Variants in PTPRU observed in about 807,000 individuals in gnomAD.
The protein encoded by PTPRU is protein tyrosine phosphatase receptor type U, also known as receptor-type tyrosine-protein phosphatase U.
A neutral mutation model predicts 166.3 loss-of-function variants in PTPRU; 69 were observed. The ratio of observed to expected loss-of-function variants is 0.41; its 90% CI spans 0.34 to 0.51. The LOEUF (loss-of-function observed/expected upper bound fraction) is 0.51, where lower values mean the gene tolerates loss of function less well. Ranked by LOEUF, PTPRU falls within the 20% of genes least tolerant of loss-of-function variation. PTPRU has a pLI of 0.09. For missense variants in PTPRU, 1,657 were observed against 2,013.7 expected, an observed-to-expected ratio of 0.82 and a Z score of 3.39; for synonymous variants, 793 against 814.0, an observed-to-expected ratio of 0.97 and a Z score of 0.44.
intron 11 of PTPRU, among the ~76,000 whole-genome samples, chr1:29,281,059 G>T (rs1343360896): frequency 3.3e-5 from 5 of 152,084 alleles, no homozygotes; most frequent in Admixed American, 2.0e-4. Flanking sequence ...CTGCCCTTCT[G>T]GTCCACCCCT....
In PTPRU at chr1:29,311,717, G is replaced by A; in HGVS notation, c.3030G>A (p.Glu1010=). 1 of 1,614,206 alleles carries A rather than the reference G, an allele frequency of 6.2e-7. No homozygotes were observed. Among genetic ancestry groups the A allele is most frequent in the Non-Finnish European group, 8.5e-7 (1 of 1,180,032 alleles). Residue 1010 remains glutamate (E), a synonymous_variant, in exon 21 of 30, where the codon GAG becomes GAA. Coordinates refer to ENST00000373779, the MANE Select transcript of PTPRU (RefSeq NM_133178.4). The surrounding 1 kb of genome is among the most constrained non-coding windows in gnomAD (Gnocchi z 4.1). ...TCAAGATTATGCTGGTGAAGACAGA[G>A]ACCCTGGCTGAGTATGTCGTGCGCA... ...GDIKIMLVKT[E]TLAEYVVRTF...
chr1:29,305,318 G>T, intron 17 of PTPRU, 34 bp from the exon 18 acceptor site: 1 of 1,609,294 alleles, frequency 6.2e-7, no homozygotes, highest in Non-Finnish European at 8.5e-7. Flanking sequence ...GGGCTCCCCA[G>T]TTCAGCCCCT....
chr1:29,299,607 G>T (rs1687048556), intron 15 of PTPRU, among the ~76,000 whole-genome samples: 1 of 152,202 alleles, frequency 6.6e-6, no homozygotes, highest in Admixed American at 6.5e-5. Context: ...CAGCCACTGT[G>T]CACTGATTGC....
rs1687420524 is a variant in PTPRU at position 29,306,994 on chromosome 1, C to T, written c.2820+1566C>T. The T allele has an allele frequency of 4.9e-6, 5 of 1,012,770 alleles. No homozygotes were observed. In the East Asian group the frequency reaches 1.3e-4, roughly 26 times the overall value. The allele number at this position is 1,012,770 out of a possible 1,614,324, so 62.7% of individuals were successfully genotyped here. On this transcript the variant is annotated intron_variant, in intron 18 of 29. Transcript: ENST00000373779. ...ACTCTGTGGCTCAGCCCAGCCCGGC[C>T]TGCCCGTCTCCGCTCTGCCTGCCCT...
intron 8 of PTPRU, among the ~76,000 whole-genome samples, chr1:29,278,792 A>G (rs547818508): frequency 1.3e-5 from 2 of 152,350 alleles, no homozygotes; most frequent in Admixed American, 1.3e-4. Context: ...ACCATATGCA[A>G]TTGCTGATGT....
chr1:29,260,787 A>G lies in PTPRU; in HGVS notation c.1028A>G (p.Lys343Arg), dbSNP rs749634298. ...EVHAVSLQTY[K>R]LWHLDPDTEY... ...CACGCCGTCAGCCTGCAGACCTACAAGCTGTGGCACCTCGACCCCGACACA... is the reference window on the plus strand; with the variant it reads ...CACGCCGTCAGCCTGCAGACCTACAGGCTGTGGCACCTCGACCCCGACACA... Residue 343 changes from lysine to arginine, a missense_variant, in exon 7 of 30, where the codon AAG becomes AGG. Physicochemically the swap from Lys to Arg is conservative, Grantham distance 26. This residue lies in a region of PTPRU where 14 missense variants were observed against 39.4 expected (regional missense o/e 0.36). Coordinates refer to ENST00000373779, the MANE Select transcript of PTPRU (RefSeq NM_133178.4). This position sits in a 1 kb window ranked among gnomAD's most constrained non-coding sequence, Gnocchi z 8.3. 1 of 1,613,412 alleles carries G rather than the reference A, an allele frequency of 6.2e-7. No individual in the cohort carries two copies.
At chr1:29,285,095 G>C (rs1686280899) in intron 14 of PTPRU, among the ~76,000 whole-genome samples, 1 of 152,166 alleles carries the variant, frequency 6.6e-6, no homozygotes, top group Admixed American at 6.5e-5. Flanking sequence ...TACAGTTCTG[G>C]CTGGTGCCAG....
rs1182173993 is a variant in PTPRU at position 29,238,812 on chromosome 1, A to G, written c.73+2095A>G. 1.3e-5 allele frequency among the ~76,000 whole-genome samples: 2 copies of G among 151,832 alleles called. No homozygotes were observed. ...CCACCATCGCTTTGATTTCAAGAAC[A>G]CTCACAAGCCCCAAGCCCTGCCAGC... is the stretch of plus-strand genomic sequence containing the variant. On this transcript the variant is annotated intron_variant, in intron 1 of 29. Transcript: ENST00000373779. This position sits in a 1 kb window ranked among gnomAD's most constrained non-coding sequence, Gnocchi z 6.1.
intron 15 of PTPRU, among the ~76,000 whole-genome samples, chr1:29,301,281 T>C (rs6673675): frequency 0.25 from 37,768 of 152,008 alleles, 5,910 homozygotes; most frequent in East Asian, 0.63. Flanking sequence ...AAGATTATAA[T>C]GGAGTTGAAA....
At position 29,275,670 on chromosome 1, in the gene PTPRU, A is replaced by G. The variant is rs768269652; in HGVS notation, c.1367A>G (p.Tyr456Cys). ...SRYTIKNLLP[Y>C]RNVHVRLVLT... Reference sequence around the variant, plus strand: ...TACACCATCAAGAACCTGCTGCCCTATCGGAACGTTCACGTGAGGCTTGTC... The same window carrying G: ...TACACCATCAAGAACCTGCTGCCCTGTCGGAACGTTCACGTGAGGCTTGTC... The change falls in exon 8 of 30, where the codon TAT becomes TGT. Residue 456 changes from tyrosine to cysteine, a missense_variant. Tyr to Cys is a radical substitution (Grantham distance 194). Around this residue, in one of 3 missense-constraint regions of PTPRU, gnomAD observed 1,190 missense variants for 1,477.4 expected, o/e 0.81. Coordinates refer to ENST00000373779, the MANE Select transcript of PTPRU (RefSeq NM_133178.4). The G allele has an allele frequency of 1.2e-5, 19 of 1,614,032 alleles. No homozygotes were observed. The highest frequency in any genetic ancestry group is 2.5e-6 in the Non-Finnish European group (3 of 1,180,028).
chr1:29,246,279 T>C (rs935877385), intron 1 of PTPRU, among the ~76,000 whole-genome samples: 2 of 152,252 alleles, frequency 1.3e-5, no homozygotes, highest in Non-Finnish European at 2.9e-5. Context: ...CCTACCACCA[T>C]GGTATCTGTA....
chr1:29,266,010 GTTTTTTT>G (rs34163524), intron 7 of PTPRU, among the ~76,000 whole-genome samples: 41 of 79,230 alleles, frequency 5.2e-4, no homozygotes, highest in African/African-American at 1.6e-3. Context: ...TTTCTCCTGG[GTTTTTTT>G]TTTTTTTTTT....
rs1386249260 is a variant in PTPRU at position 29,237,258 on chromosome 1, A to G, written c.73+541A>G. ...GTGTGTGCTTTTGAGATCCGTGTAC[A>G]TGTGTGAAGGCGTGGGAACGGGTCC... On this transcript the variant is annotated intron_variant, in intron 1 of 29. Transcript: ENST00000373779. This position sits in a 1 kb window ranked among gnomAD's most constrained non-coding sequence, Gnocchi z 6.4. Among the ~76,000 whole-genome samples the G allele has an allele frequency of 6.6e-6, 1 of 150,716 alleles. No homozygotes were observed. The highest frequency in any genetic ancestry group is 2.1e-4 in the South Asian group (1 of 4,762).
intron 1 of PTPRU, among the ~76,000 whole-genome samples, chr1:29,244,282 G>C (rs1235733913): frequency 1.3e-5 from 2 of 152,104 alleles, no homozygotes; most frequent in Non-Finnish European, 2.9e-5. Context: ...GAGGCCTGGG[G>C]GACCACTGGC....
intron 7 of PTPRU, among the ~76,000 whole-genome samples, chr1:29,261,583 A>G (rs2151945941): frequency 6.6e-6 from 1 of 152,290 alleles, no homozygotes; most frequent in South Asian, 2.1e-4. Context: ...AGGCTGGAGC[A>G]CAGTGGCGCG....
intron 15 of PTPRU, among the ~76,000 whole-genome samples, chr1:29,292,817 T>G (rs187882543): frequency 4.6e-4 from 68 of 148,508 alleles, no homozygotes; most frequent in African/African-American, 1.5e-3. Flanking sequence ...ATTGTTGTGT[T>G]TTTTTTTTTT....
In PTPRU at chr1:29,275,768, A is replaced by G; in HGVS notation, c.1453+12A>G. ...GACGGATGAGGATGGTAAGAGTCTC[A>G]GTCCCAATTCCCGGGGCCCTGTGTA... On this transcript the variant is annotated intron_variant, in intron 8 of 29. Coordinates refer to ENST00000373779, the MANE Select transcript of PTPRU (RefSeq NM_133178.4). 1 of 1,611,346 alleles carries G rather than the reference A, an allele frequency of 6.2e-7. No homozygotes were observed. Among genetic ancestry groups the G allele is most frequent in the African/African-American group, 1.3e-5 (1 of 75,012 alleles).
intron 7 of PTPRU, among the ~76,000 whole-genome samples, chr1:29,270,428 TC>T (rs1449661256): frequency 6.6e-6 from 1 of 152,104 alleles, no homozygotes; most frequent in South Asian, 2.1e-4. Context: ...CACCTCAGCC[TC>T]CCAAGTAGCT....
chr1:29,255,012 C>G (rs1377140626), intron 1 of PTPRU, among the ~76,000 whole-genome samples: 1 of 151,858 alleles, frequency 6.6e-6, no homozygotes, highest in Non-Finnish European at 1.5e-5. Flanking sequence ...GATGACTGAG[C>G]CAGTGGTGGT....
Sources: gnomAD v4.1 joint callset for allele counts (sites outside exome capture counted in the v4.1 genomes callset) on GRCh38, gnomAD v4.1.1 for gene constraint, gnomAD v4.1.1 regional missense constraint, Gnocchi (gnomAD v3.1) non-coding constraint, MANE v1.5 for transcripts, NCBI Gene and HGNC (gene_info 2026-07-23, HGNC 2026-07-21) for gene names.